FUT8: variants seen among roughly 807,000 people sequenced by gnomAD.
The protein encoded by FUT8 is fucosyltransferase 8, also known as alpha-(1,6)-fucosyltransferase.
A neutral mutation model predicts 71.3 loss-of-function variants in FUT8; 29 were observed. That is an observed-to-expected ratio of 0.41 (90% CI 0.30 to 0.55). The LOEUF is 0.55. Ranked by LOEUF, FUT8 falls within the 20% of genes least tolerant of loss-of-function variation. The pLI, the probability that FUT8 is intolerant of heterozygous loss-of-function variation, is 0.34. For missense variants in FUT8, 544 were observed against 702.1 expected, an observed-to-expected ratio of 0.77 and a Z score of 2.55; for synonymous variants, 254 against 239.3, an observed-to-expected ratio of 1.06 and a Z score of -0.57.
At chr14:65,729,238 G>A (rs139572399) in intron 9 of FUT8, among the ~76,000 whole-genome samples, 3,752 of 151,764 alleles carry the variant, frequency 0.025, 143 homozygotes, top group African/African-American at 0.086. Flanking sequence ...GGCTGGTCTC[G>A]AACTCCTGGG....
intron 6 of FUT8, among the ~76,000 whole-genome samples, chr14:65,633,909 C>T (rs551847552): frequency 3.7e-4 from 56 of 151,574 alleles, no homozygotes; most frequent in Middle Eastern, 3.4e-3. Context: ...GGTCAGCCCC[C>T]GCCCGGCCAG....
chr14:65,680,310 C>T (rs1009224972), intron 7 of FUT8, among the ~76,000 whole-genome samples: 7 of 152,192 alleles, frequency 4.6e-5, no homozygotes, highest in Non-Finnish European at 7.3e-5. Context: ...ATGTTTTCTT[C>T]CAGAAACTTT....
intron 2 of FUT8, among the ~76,000 whole-genome samples, chr14:65,481,201 G>T (rs1294225960): frequency 2.0e-5 from 3 of 152,096 alleles, no homozygotes; most frequent in African/African-American, 7.2e-5. Flanking sequence ...TTTTTGAAAT[G>T]ATAAGTGATG....
Position 65,526,449 on chromosome 14 carries a change from C to T in FUT8, c.-227-34888C>T, listed in dbSNP as rs140414482. ...CCTCCATCCCTTTATTTTGAGCCTA[C>T]GTGTGTCTCTTCATGTGAGACAGGT... On this transcript the variant is annotated intron_variant, in intron 2 of 10. Transcript: ENST00000673929. Among the ~76,000 whole-genome samples, 1,497 of 152,168 alleles carry T rather than the reference C, an allele frequency of 9.8e-3. 24 individuals carry two copies. Among genetic ancestry groups the T allele is most frequent in the African/African-American group, 0.035 (1,434 of 41,508 alleles).
At chr14:65,473,046 A>G (rs1356187212) in intron 2 of FUT8, among the ~76,000 whole-genome samples, 1 of 152,168 alleles carries the variant, frequency 6.6e-6, no homozygotes, top group African/African-American at 2.4e-5. Context: ...TGATCTTAAC[A>G]TAACTGTGGT....
Position 65,524,015 on chromosome 14 carries a change from C to A in FUT8, c.-227-37322C>A, listed in dbSNP as rs1473860417. On this transcript the variant is annotated intron_variant, in intron 2 of 10. Transcript: ENST00000673929. ...TTGATGTCAGGTAGTGTGATGCCTC[C>A]AGCTTTGTTCTTTTGGCTTAGGATT... Among the ~76,000 whole-genome samples the A allele has an allele frequency of 2.6e-5, 4 of 152,132 alleles. No homozygotes were observed. The East Asian group carries it at 5.8e-4, about 22-fold the overall frequency.
chr14:65,737,880 C>G (rs1242751189), intron 10 of FUT8, among the ~76,000 whole-genome samples: 1 of 152,072 alleles, frequency 6.6e-6, no homozygotes, highest in Admixed American at 6.6e-5. Context: ...CCTTATTACA[C>G]TTTGAATCAG....
intron 8 of FUT8, among the ~76,000 whole-genome samples, chr14:65,723,134 G>A (rs1209043872): frequency 6.7e-6 from 1 of 150,230 alleles, no homozygotes; most frequent in Non-Finnish European, 1.5e-5. Context: ...TAGGCAACAT[G>A]GTTGAAACCC....
intron 2 of FUT8, among the ~76,000 whole-genome samples, chr14:65,486,796 T>C (rs1483779808): frequency 6.6e-6 from 1 of 152,234 alleles, no homozygotes; most frequent in Non-Finnish European, 1.5e-5. Flanking sequence ...GTAGTGAGCC[T>C]TAAATAGAAT....
chr14:65,379,775 C>T, the FUT8 span, among the ~76,000 whole-genome samples: 8 of 152,104 alleles, frequency 5.3e-5, no homozygotes, highest in African/African-American at 1.7e-4. Context: ...ATTTATTTCT[C>T]ATAGTTGTAG....
rs1442012431 is a variant in FUT8 at position 65,413,349 on chromosome 14, C to T, written c.-326+135C>T. ...TGTTGCTGCAACTGCTGCCGGTTAA[C>T]CAGCGGCTCTCGGAAAAGTGGGGAG... On this transcript the variant is annotated intron_variant, in intron 1 of 10. Coordinates refer to ENST00000673929, the MANE Select transcript of FUT8 (RefSeq NM_001371533.1). The surrounding 1 kb of genome is among the most constrained non-coding windows in gnomAD (Gnocchi z 4.1). 1 of 152,448 alleles carries T rather than the reference C, an allele frequency of 6.6e-6. No individual in the cohort carries two copies. Among genetic ancestry groups the T allele is most frequent in the African/African-American group, 2.4e-5 (1 of 41,454 alleles). 9.4% of individuals were successfully genotyped at this position (152,448 alleles called of 1,614,324 possible). A position where few individuals can be genotyped will look rare whatever the true frequency, so the allele number is the denominator to read the frequency against.
intron 1 of FUT8, among the ~76,000 whole-genome samples, chr14:65,441,041 AGAAT>A (rs1450743111): frequency 6.6e-6 from 1 of 152,228 alleles, no homozygotes; most frequent in Non-Finnish European, 1.5e-5. Context: ...AGGAAAAAAA[AGAAT>A]GAATATAAGC....
At chr14:65,721,072 C>T (rs755729721) in intron 7 of FUT8, among the ~76,000 whole-genome samples, 3 of 152,090 alleles carry the variant, frequency 2.0e-5, no homozygotes, top group South Asian at 2.1e-4. Flanking sequence ...TTCAGTGTCT[C>T]TTTCAGCAAT....
At chr14:65,512,922 AAAAG>A in intron 2 of FUT8, among the ~76,000 whole-genome samples, 2 of 151,168 alleles carry the variant, frequency 1.3e-5, no homozygotes, top group South Asian at 4.2e-4. Context: ...AAAAAAAAAA[AAAAG>A]AAAAAGAAAT....
At chr14:65,514,474 C>T (rs1172429753) in intron 2 of FUT8, among the ~76,000 whole-genome samples, 5 of 152,176 alleles carry the variant, frequency 3.3e-5, no homozygotes, top group Admixed American at 3.3e-4. Context: ...TAACAATGTA[C>T]GTATGTATGA....
chr14:65,631,671 G>C (rs986267146), intron 6 of FUT8, among the ~76,000 whole-genome samples: 5 of 151,602 alleles, frequency 3.3e-5, no homozygotes, highest in African/African-American at 9.7e-5. Context: ...AGGAGATAGG[G>C]ACAATCTCAG....
chr14:65,519,740 C>G (rs754650101), intron 2 of FUT8, among the ~76,000 whole-genome samples: 33 of 152,080 alleles, frequency 2.2e-4, no homozygotes, highest in Admixed American at 1.1e-3. Context: ...CACTTTGATA[C>G]TCAACATTTA....
chr14:65,580,454 CAT>C (rs1375674691), intron 3 of FUT8, among the ~76,000 whole-genome samples: 1 of 151,276 alleles, frequency 6.6e-6, no homozygotes, highest in Non-Finnish European at 1.5e-5. Flanking sequence ...GTATATAATA[CAT>C]ATATATGTAT....
intron 2 of FUT8, among the ~76,000 whole-genome samples, chr14:65,535,243 A>T (rs1884228005): frequency 6.6e-6 from 1 of 151,526 alleles, no homozygotes; most frequent in Admixed American, 6.6e-5. Flanking sequence ...AGGATTACTG[A>T]CGTACACCAC....
Sources: allele counts gnomAD v4.1 joint callset (sites outside exome capture counted in the v4.1 genomes callset), GRCh38; gene constraint gnomAD v4.1.1; non-coding constraint Gnocchi (gnomAD v3.1); transcripts MANE v1.5; gene names NCBI Gene and HGNC (gene_info 2026-07-23, HGNC 2026-07-21).